Variants in CALD1 observed in about 807,000 individuals in gnomAD.
The protein encoded by CALD1 is caldesmon.
CALD1 carries 33 observed loss-of-function variants against 99.9 expected under a neutral mutation model. That is an observed-to-expected ratio of 0.33 (90% CI 0.25 to 0.44). CALD1 has a LOEUF of 0.44. Among genes scored for constraint, CALD1 ranks in the 20% least tolerant of loss-of-function variants. CALD1 has a pLI of 1.00. For synonymous variants in CALD1, 310 were observed against 325.0 expected, an observed-to-expected ratio of 0.95 and a Z score of 0.50; for missense variants, 861 against 962.1, an observed-to-expected ratio of 0.89 and a Z score of 1.39.
At position 134,960,003 on chromosome 7, in the gene CALD1, G is replaced by A. The variant is rs546283612; in HGVS notation, c.2091G>A (p.Pro697=). 6.2e-5 allele frequency: 100 copies of A among 1,613,928 alleles called. No homozygotes were observed. The highest frequency in any genetic ancestry group is 5.7e-4 in the African/African-American group (43 of 74,994). ...CAAAAAGCGCAAAACCTACAAAGCC[G>A]GCAGCCTCGGATCTTCCTGTTCCTG... ...EGTKSAKPTK[P]AASDLPVPAE... The change falls in exon 12 of 15, where the codon CCG becomes CCA. Residue 697 remains proline, a synonymous_variant. Transcript: ENST00000361675.
At chr7:134,740,949 A>C (rs769795407), upstream of CALD1, among the ~76,000 whole-genome samples, 2 of 152,198 alleles carry the variant, frequency 1.3e-5, no homozygotes, top group Non-Finnish European at 2.9e-5. Flanking sequence ...CTTCACAGCA[A>C]TTCTATGAAA....
At chr7:134,716,566 GGCAAAAATATAA>G in the CALD1 span, among the ~76,000 whole-genome samples, 3 of 152,036 alleles carry the variant, frequency 2.0e-5, no homozygotes, top group African/African-American at 4.8e-5. Context: ...CAAATAAATT[GGCAAAAATATAA>G]GCAAAAATAT....
chr7:134,932,333 A>T (rs1427983957), intron 4 of CALD1, among the ~76,000 whole-genome samples: 1 of 152,214 alleles, frequency 6.6e-6, no homozygotes, highest in Admixed American at 6.5e-5. Context: ...TTCCTCTCAA[A>T]GTACCTTGGG....
At chr7:134,721,331 A>C in the CALD1 span, among the ~76,000 whole-genome samples, 1 of 78,146 alleles carries the variant, frequency 1.3e-5, no homozygotes, top group Non-Finnish European at 2.9e-5. Context: ...GTCATCTGCA[A>C]AAAAAAAAAA....
chr7:134,772,686 T>C (rs1226435025), intron 1 of CALD1, among the ~76,000 whole-genome samples: 1 of 152,260 alleles, frequency 6.6e-6, no homozygotes, highest in Non-Finnish European at 1.5e-5. Context: ...TTTTCCTTTC[T>C]TGTACAAATT....
At chr7:134,868,400 G>A (rs1800904592) in intron 3 of CALD1, among the ~76,000 whole-genome samples, 1 of 152,168 alleles carries the variant, frequency 6.6e-6, no homozygotes, top group South Asian at 2.1e-4. Flanking sequence ...GGGAGATAAA[G>A]CATTGGCATA....
At position 134,783,663 on chromosome 7, in the gene CALD1, A is replaced by G. The variant is rs1797196705; in HGVS notation, c.-130+3914A>G. Among the ~76,000 whole-genome samples the G allele has an allele frequency of 2.6e-5, 4 of 152,140 alleles. No homozygotes were observed. The highest frequency in any genetic ancestry group is 1.3e-4 in the Admixed American group (2 of 15,274). ...CTATGGAAACCTTTGAGAATCTGAT[A>G]AAAACTGTGAACCCTTAAGGTCCCT... On this transcript the variant is annotated intron_variant, in intron 1 of 14. Coordinates refer to ENST00000361675, the MANE Select transcript of CALD1 (RefSeq NM_033138.4). The surrounding 1 kb of genome is among the most constrained non-coding windows in gnomAD (Gnocchi z 4.3).
chr7:134,959,856 G>A (rs1426921910), intron 11 of CALD1, 118 bp from the exon 12 acceptor site: 3 of 986,070 alleles, frequency 3.0e-6, no homozygotes, highest in Non-Finnish European at 3.0e-6. Flanking sequence ...CTCATTTTTG[G>A]TGGAGGTGTT....
intron 3 of CALD1, among the ~76,000 whole-genome samples, chr7:134,890,483 T>C (rs1417349925): frequency 6.6e-6 from 1 of 152,210 alleles, no homozygotes; most frequent in Non-Finnish European, 1.5e-5. Context: ...TCCTGCTGTT[T>C]ACCAAGAGAA....
intron 9 of CALD1, among the ~76,000 whole-genome samples, chr7:134,956,165 T>C (rs1025960462): frequency 6.6e-6 from 1 of 152,040 alleles, no homozygotes; most frequent in Non-Finnish European, 1.5e-5. Flanking sequence ...TAGGAAATCA[T>C]CAGAAAGAAT....
At chr7:134,732,358 A>G in the CALD1 span, among the ~76,000 whole-genome samples, 1 of 152,208 alleles carries the variant, frequency 6.6e-6, no homozygotes, top group African/African-American at 2.4e-5. Context: ...GGTGAAATTC[A>G]TATGTTGAAA....
At position 134,968,435 on chromosome 7, in the gene CALD1, A is replaced by G; in HGVS notation, c.*90A>G. The G allele has an allele frequency of 8.8e-7, 1 of 1,135,786 alleles. No homozygotes were observed. The highest frequency in any genetic ancestry group is 1.3e-6 in the Non-Finnish European group (1 of 746,974). The allele number at this position is 1,135,786 out of a possible 1,614,324, so 70.4% of individuals were successfully genotyped here. Reference sequence around the variant, plus strand: ...CTCTGTTTTGTATTTATGTTGATTTACTAAATTGGGTTCATTATCTTTTAT... The same window carrying G: ...CTCTGTTTTGTATTTATGTTGATTTGCTAAATTGGGTTCATTATCTTTTAT... On this transcript the variant is annotated 3_prime_UTR_variant, in exon 15 of 15. Transcript: ENST00000361675.
At chr7:134,718,086 G>C in the CALD1 span, among the ~76,000 whole-genome samples, 10 of 152,288 alleles carry the variant, frequency 6.6e-5, no homozygotes, top group Admixed American at 5.2e-4. Context: ...TCAATCTAAA[G>C]TTGGTTCATG....
chr7:134,714,697 T>C, the CALD1 span, among the ~76,000 whole-genome samples: 1 of 152,210 alleles, frequency 6.6e-6, no homozygotes, highest in East Asian at 1.9e-4. Flanking sequence ...GTTAGCAGTA[T>C]TTATACTCAT....
intron 3 of CALD1, among the ~76,000 whole-genome samples, chr7:134,874,431 A>G: frequency 6.6e-6 from 1 of 152,218 alleles, no homozygotes; most frequent in African/African-American, 2.4e-5. Flanking sequence ...CACCGGCCTC[A>G]GCCTCCCAAA....
intron 9 of CALD1, among the ~76,000 whole-genome samples, chr7:134,956,776 G>A (rs1008506568): frequency 4.6e-5 from 7 of 152,148 alleles, no homozygotes; most frequent in Admixed American, 1.3e-4. Context: ...ACTTTTCAGC[G>A]TGCATGTGCT....
chr7:134,917,613 G>C (rs1804311616), intron 3 of CALD1, among the ~76,000 whole-genome samples: 1 of 152,146 alleles, frequency 6.6e-6, no homozygotes, highest in South Asian at 2.1e-4. Flanking sequence ...GCATCCCAAA[G>C]TGCTGGGATT....
the CALD1 span, among the ~76,000 whole-genome samples, chr7:134,712,101 C>T: frequency 6.6e-6 from 1 of 150,950 alleles, no homozygotes; most frequent in African/African-American, 2.4e-5. Flanking sequence ...AAAGAAATTC[C>T]CAAGAGAGGC....
intron 3 of CALD1, among the ~76,000 whole-genome samples, chr7:134,875,497 C>T (rs1447262559): frequency 2.0e-5 from 3 of 152,144 alleles, no homozygotes; most frequent in African/African-American, 4.8e-5. Flanking sequence ...ATAAGCTGGG[C>T]GTGGCAGTGG....
Sources: allele counts gnomAD v4.1 joint callset (sites outside exome capture counted in the v4.1 genomes callset), GRCh38; gene constraint gnomAD v4.1.1; non-coding constraint Gnocchi (gnomAD v3.1); transcripts MANE v1.5; gene names NCBI Gene and HGNC (gene_info 2026-07-23, HGNC 2026-07-21).